The following RBFOX1 variants were observed in gnomAD, a reference collection of about 807,000 sequenced individuals.
RBFOX1 encodes RNA binding fox-1 homolog 1.
In RBFOX1, 8 loss-of-function variants were observed where a neutral mutation model predicts 57.7. That is an observed-to-expected ratio of 0.14 (90% CI 0.08 to 0.25). The LOEUF (loss-of-function observed/expected upper bound fraction) is 0.25, where lower values mean the gene tolerates loss of function less well. Ranked by LOEUF, RBFOX1 falls within the 10% of genes least tolerant of loss-of-function variation. The pLI, the probability that RBFOX1 is intolerant of heterozygous loss-of-function variation, is 1.00. For synonymous variants in RBFOX1, 326 were observed against 222.4 expected, an observed-to-expected ratio of 1.47 and a Z score of -4.15; for missense variants, 611 against 548.5, an observed-to-expected ratio of 1.11 and a Z score of -1.14.
At chr16:5,708,778 T>C (rs1567428197) in intron 3 of RBFOX1, among the ~76,000 whole-genome samples, 1 of 152,162 alleles carries the variant, frequency 6.6e-6, no homozygotes, top group Non-Finnish European at 1.5e-5. Context: ...AGAGGGCCAT[T>C]TTTCTCTGAA....
chr16:6,451,476 G>T (rs548919614), intron 2 of RBFOX1, among the ~76,000 whole-genome samples: 1 of 152,056 alleles, frequency 6.6e-6, no homozygotes, highest in Non-Finnish European at 1.5e-5. Flanking sequence ...AGACTCACTC[G>T]GGCCAAAATC....
chr16:5,605,877 A>G (rs184393326), intron 3 of RBFOX1, among the ~76,000 whole-genome samples: 21 of 152,138 alleles, frequency 1.4e-4, no homozygotes, highest in African/African-American at 4.8e-4. Context: ...GCCAACACAG[A>G]TGCTGTCCCA....
intron 1 of RBFOX1, among the ~76,000 whole-genome samples, chr16:5,409,116 G>A (rs1354780313): frequency 6.6e-6 from 1 of 152,234 alleles, no homozygotes; most frequent in Non-Finnish European, 1.5e-5. Context: ...CAGGTCCCAG[G>A]CAGCAAGAAA....
intron 3 of RBFOX1, among the ~76,000 whole-genome samples, chr16:6,879,368 C>T (rs893890817): frequency 6.6e-6 from 1 of 152,194 alleles, no homozygotes; most frequent in African/African-American, 2.4e-5. Context: ...AATTTCATCT[C>T]TCTCTCTGCC....
chr16:7,540,695 C>G (rs1003265092), intron 5 of RBFOX1, among the ~76,000 whole-genome samples: 2 of 152,178 alleles, frequency 1.3e-5, no homozygotes, highest in Non-Finnish European at 2.9e-5. Context: ...TTCTGGTTGT[C>G]TCTTCTTGAA....
intron 3 of RBFOX1, among the ~76,000 whole-genome samples, chr16:6,678,798 A>G (rs771384182): frequency 2.6e-5 from 4 of 152,120 alleles, no homozygotes; most frequent in Non-Finnish European, 5.9e-5. Flanking sequence ...CTTGCCATGA[A>G]TAGCTGATAA....
chr16:7,458,351 C>T (rs557634958), intron 4 of RBFOX1, among the ~76,000 whole-genome samples: 1 of 152,288 alleles, frequency 6.6e-6, no homozygotes, highest in South Asian at 2.1e-4. Context: ...CACTTTGTGC[C>T]CAGATGCTCA....
Position 7,712,986 on chromosome 16 carries a change from G to A in RBFOX1, c.*2241G>A. Reference sequence around the variant, plus strand: ...TGTAGTTTTAATAAAATCATTTAGAGTGAGTGAGTGCCAACCGATGTTGCA... The same window carrying A: ...TGTAGTTTTAATAAAATCATTTAGAATGAGTGAGTGCCAACCGATGTTGCA... On this transcript the variant is annotated 3_prime_UTR_variant, in exon 16 of 16. Transcript: ENST00000550418. 6.6e-6 allele frequency: 1 copy of A among 152,204 alleles called. No individual in the cohort carries two copies. The highest frequency in any genetic ancestry group is 1.9e-4 in the East Asian group (1 of 5,184). 9.4% of individuals were successfully genotyped at this position (152,204 alleles called of 1,614,324 possible). A position where few individuals can be genotyped will look rare whatever the true frequency, so the allele number is the denominator to read the frequency against.
At chr16:6,602,761 G>A (rs1232467546) in intron 2 of RBFOX1, among the ~76,000 whole-genome samples, 2 of 152,108 alleles carry the variant, frequency 1.3e-5, no homozygotes, top group African/African-American at 4.8e-5. Context: ...TATCCCTTCT[G>A]TGCATTCCTC....
chr16:5,991,148 G>A (rs1351497726), intron 4 of RBFOX1, among the ~76,000 whole-genome samples: 1 of 152,200 alleles, frequency 6.6e-6, no homozygotes, highest in African/African-American at 2.4e-5. Context: ...TTTGGGGGGT[G>A]ACTGTAGGGT....
exon 3 of RBFOX1, chr16:5,599,196 C>T: frequency 1.4e-6 from 1 of 702,664 alleles, no homozygotes; most frequent in East Asian, 2.7e-5. Context: ...ATTCTGTCCT[C>T]TAAAAAAGAC....
intron 3 of RBFOX1, among the ~76,000 whole-genome samples, chr16:6,809,892 G>A (rs1046553208): frequency 2.6e-5 from 4 of 152,046 alleles, no homozygotes; most frequent in African/African-American, 9.7e-5. Flanking sequence ...AAATTGGAGA[G>A]AGTTGCTTTT....
chr16:5,862,915 G>A (rs2057258430), intron 3 of RBFOX1, among the ~76,000 whole-genome samples: 1 of 152,166 alleles, frequency 6.6e-6, no homozygotes, highest in African/African-American at 2.4e-5. Flanking sequence ...AGGGAGAACA[G>A]GTGGCTGTGA....
chr16:5,459,378 G>C (rs510308), intron 1 of RBFOX1, among the ~76,000 whole-genome samples: 93,211 of 151,966 alleles, frequency 0.61, 28,844 homozygotes, highest in Non-Finnish European at 0.65. Flanking sequence ...TGGGACCCCA[G>C]GTGGATTTTG....
chr16:6,422,232 T>C (rs922240767), intron 2 of RBFOX1, among the ~76,000 whole-genome samples: 12 of 146,334 alleles, frequency 8.2e-5, no homozygotes, highest in Admixed American at 1.3e-4. Context: ...ACCTCTCCTT[T>C]TTTTTTTTTT....
chr16:6,571,028 G>T (rs972113982), intron 2 of RBFOX1, among the ~76,000 whole-genome samples: 1 of 152,120 alleles, frequency 6.6e-6, no homozygotes, highest in Non-Finnish European at 1.5e-5. Flanking sequence ...TAAGGAGAAG[G>T]TCCTACTGAG....
At chr16:7,034,094 C>T (rs868532929) in intron 3 of RBFOX1, among the ~76,000 whole-genome samples, 6 of 152,140 alleles carry the variant, frequency 3.9e-5, no homozygotes, top group Non-Finnish European at 1.5e-5. Flanking sequence ...GGTGTCCATG[C>T]CATGGCTTAA....
chr16:5,824,286 A>G (rs1597389917), intron 3 of RBFOX1, among the ~76,000 whole-genome samples: 2 of 152,136 alleles, frequency 1.3e-5, no homozygotes, highest in African/African-American at 2.4e-5. Flanking sequence ...ATGACAGCTG[A>G]GTGGATGGTA....
chr16:6,329,826 T>C (rs1320462244), intron 2 of RBFOX1, among the ~76,000 whole-genome samples: 2 of 152,132 alleles, frequency 1.3e-5, no homozygotes, highest in African/African-American at 4.8e-5. Flanking sequence ...TAATTCCAGC[T>C]ACTTGGGAGG....
Sources: gnomAD v4.1 joint callset for allele counts (sites outside exome capture counted in the v4.1 genomes callset) on GRCh38, gnomAD v4.1.1 for gene constraint, MANE v1.5 for transcripts, NCBI Gene and HGNC (gene_info 2026-07-23, HGNC 2026-07-21) for gene names.